The following MCM3AP variants were observed in gnomAD, a reference collection of about 807,000 sequenced individuals.
The protein encoded by MCM3AP is germinal-center associated nuclear protein.
Under a neutral mutation model 184.1 loss-of-function variants are expected in MCM3AP, and 126 were observed. The observed-to-expected ratio is 0.68, with a 90% CI of 0.59 to 0.79. The LOEUF (loss-of-function observed/expected upper bound fraction) is 0.79. Among genes scored for constraint, MCM3AP ranks in the 30% least tolerant of loss-of-function variants. MCM3AP has a pLI of 0.00. For synonymous variants in MCM3AP, 1,002 were observed against 979.3 expected (o/e 1.02, Z -0.43); for missense variants, 2,496 against 2,479.2 (o/e 1.01, Z -0.14).
At chr21:46,264,615 C>T (rs2081084089) in intron 12 of MCM3AP, among the ~76,000 whole-genome samples, 1 of 152,188 alleles carries the variant, frequency 6.6e-6, no homozygotes, top group Non-Finnish European at 1.5e-5. Context: ...ATCAAGGCAC[C>T]TGTCGGGACC....
At chr21:46,251,881 C>CTTTTTT (rs754670172) in intron 19 of MCM3AP, 199 bp from the exon 20 acceptor site, 1,527 of 127,602 alleles carry the variant, frequency 0.012, 54 homozygotes, top group East Asian at 0.029. Context: ...TGTACTCGTT[C>CTTTTTT]TTTTTTTTTT....
chr21:46,280,461 T>A (rs1376429474), intron 3 of MCM3AP, 36 bp downstream of exon 3: 1 of 1,447,232 alleles, frequency 6.9e-7, no homozygotes, highest in Non-Finnish European at 9.6e-7. Context: ...TAAAAATAAT[T>A]TTTTTAAAAA....
chr21:46,263,431 G>A (rs1466287806), intron 13 of MCM3AP, among the ~76,000 whole-genome samples: 1 of 151,990 alleles, frequency 6.6e-6, no homozygotes, highest in African/African-American at 2.4e-5. Flanking sequence ...AATTAAGAAT[G>A]ACCTAAATAA....
chr21:46,279,966 A>C, intron 4 of MCM3AP, 27 bp downstream of exon 4: 1 of 1,592,122 alleles, frequency 6.3e-7, no homozygotes, highest in Admixed American at 1.9e-5. Context: ...CTTCCGGAAT[A>C]AGGTCATTAG....
intron 6 of MCM3AP, 30 bp from the exon 7 acceptor site, chr21:46,273,615 C>A: frequency 6.3e-7 from 1 of 1,597,804 alleles, no homozygotes; most frequent in Non-Finnish European, 8.6e-7. Flanking sequence ...ACAGGATGCC[C>A]ATGTGGCATA....
chr21:46,240,224 G>C (rs933102068), intron 26 of MCM3AP, among the ~76,000 whole-genome samples: 2 of 152,288 alleles, frequency 1.3e-5, no homozygotes, highest in South Asian at 4.1e-4. Context: ...TTCGTTTCCA[G>C]CAACAAGAGG....
At chr21:46,280,637 G>T in intron 2 of MCM3AP, 62 bp from the exon 3 acceptor site, 1 of 1,164,374 alleles carries the variant, frequency 8.6e-7, no homozygotes, top group Non-Finnish European at 1.3e-6. Context: ...AAATGGGATT[G>T]AAAACTCAAA....
chr21:46,260,745 G>A, intron 15 of MCM3AP, 48 bp downstream of exon 15: 1 of 1,362,546 alleles, frequency 7.3e-7, no homozygotes, highest in Non-Finnish European at 1.1e-6. Flanking sequence ...CTAGGGCAGA[G>A]CCAAAGCTCA....
rs1601552865 is a variant in MCM3AP, at chr21:46,284,370, T to C, written c.917A>G (p.His306Arg). 2 of 1,614,122 alleles carry C rather than the reference T, an allele frequency of 1.2e-6. No individual in the cohort carries two copies. The highest frequency in any genetic ancestry group is 2.7e-5 in the African/African-American group (2 of 74,936). Residue 306 changes from histidine (H) to arginine (R), a missense_variant, in exon 1 of 28, where the codon CAC (histidine) becomes CGC (arginine). Transcript: ENST00000291688. ...DQDRSPRRHG[H>R]EPAEDSDPLS... ...AGGATCCGAATCTTCTGCTGGCTCG[T>C]GGCCATGTCTCCTTGGGGAGCGATC...
At chr21:46,271,831 G>A (rs8134066) in intron 8 of MCM3AP, among the ~76,000 whole-genome samples, 8,813 of 151,744 alleles carry the variant, frequency 0.058, 651 homozygotes, top group African/African-American at 0.17. Flanking sequence ...ACTGTACTCC[G>A]GCCTGGGCAA....
chr21:46,241,928 A>G (rs2123814930), intron 25 of MCM3AP: 1 of 152,352 alleles, frequency 6.6e-6, no homozygotes, highest in East Asian at 1.9e-4. Flanking sequence ...AGGTACTTCA[A>G]GGATCTCTAT....
intron 5 of MCM3AP, among the ~76,000 whole-genome samples, chr21:46,276,755 T>G (rs1278048737): frequency 3.5e-5 from 5 of 144,570 alleles, no homozygotes; most frequent in Non-Finnish European, 7.7e-5. Context: ...TTTTTTTTTT[T>G]GAGACAGAAT....
intron 24 of MCM3AP, 128 bp downstream of exon 24, chr21:46,243,337 G>T: frequency 8.9e-7 from 1 of 1,123,500 alleles, no homozygotes; most frequent in Non-Finnish European, 1.3e-6. Flanking sequence ...GAAGAGGGAA[G>T]TCCTAAGGAA....
rs1397541409 is a variant in MCM3AP, at chr21:46,265,306, A to T, written c.3234+15T>A. 2 of 1,612,898 alleles carry T rather than the reference A, an allele frequency of 1.2e-6. No individual in the cohort carries two copies. Among genetic ancestry groups the T allele is most frequent in the Non-Finnish European group, 1.7e-6 (2 of 1,179,460 alleles). Reference sequence around the variant, plus strand: ...GGCTTCCCAGAGTCCAGACCTAGAAAAAAAGAGTCCCTACCTCGTCAGAGT... The same window carrying T: ...GGCTTCCCAGAGTCCAGACCTAGAATAAAAGAGTCCCTACCTCGTCAGAGT... On this transcript the variant is annotated intron_variant, in intron 12 of 27. Transcript: ENST00000291688.
Position 46,270,442 on chromosome 21 carries a change from A to C in MCM3AP, c.2587T>G (p.Ser863Ala). 1.2e-6 allele frequency: 2 copies of C among 1,614,030 alleles called. No individual in the cohort carries two copies. The highest frequency in any genetic ancestry group is 1.7e-6 in the Non-Finnish European group (2 of 1,179,962). Residue 863 changes from serine to alanine, a missense_variant, in exon 9 of 28, where the codon TCT becomes GCT. Transcript: ENST00000291688. ...VRFFKLVQSA[S>A]YLNACLLHCY... ...TGTAAAAGACAAGCGTTCAGGTAAG[A>C]AGCTGACTGGACCAGTTTGAAAAAT...
chr21:46,236,049 A>G (rs1017011076), intron 27 of MCM3AP, among the ~76,000 whole-genome samples: 4 of 152,374 alleles, frequency 2.6e-5, no homozygotes, highest in African/African-American at 9.6e-5. Flanking sequence ...CGACTTTCAT[A>G]CAATAATGCT....
In MCM3AP at chr21:46,260,847, A is replaced by G; in HGVS notation, c.3527T>C (p.Leu1176Pro). 3 of 1,614,208 alleles carry G rather than the reference A, an allele frequency of 1.9e-6. No homozygotes were observed. Among genetic ancestry groups the G allele is most frequent in the Non-Finnish European group, 2.5e-6 (3 of 1,180,042 alleles). Residue 1176 changes from leucine (L) to proline (P), a missense_variant, in exon 15 of 28, where the codon CTG becomes CCG. Coordinates refer to ENST00000291688, the MANE Select transcript of MCM3AP (RefSeq NM_003906.5). ...SELSQGLAVE[L>P]MERVMMEFVR... ...AAACTCCATCATCACGCGTTCCATC[A>G]GCTCCACGGCCAGGCCCTGGCTCAG...
chr21:46,257,964 C>T (rs1282161916), intron 16 of MCM3AP, among the ~76,000 whole-genome samples: 5 of 149,042 alleles, frequency 3.4e-5, no homozygotes, highest in Non-Finnish European at 7.4e-5. Flanking sequence ...AGTCCATCAA[C>T]AGAAGACCAG....
Position 46,236,876 on chromosome 21 carries a change from G to A in MCM3AP, c.5737C>T (p.His1913Tyr), listed in dbSNP as rs763339483. The A allele has an allele frequency of 1.9e-6, 3 of 1,567,034 alleles. No homozygotes were observed. Among genetic ancestry groups the A allele is most frequent in the African/African-American group, 2.8e-5 (2 of 72,104 alleles). The change falls in exon 27 of 28, where the codon CAC (histidine) becomes TAC (tyrosine). Residue 1913 changes from histidine (H) to tyrosine (Y), a missense_variant. This residue lies in a region of MCM3AP where 1,323 missense variants were observed against 1,273.4 expected (regional missense o/e 1.04). Transcript: ENST00000291688. Reference protein sequence around the residue: ...YLPQTLVSLSHTIEPVMKTSV... With the variant: ...YLPQTLVSLSYTIEPVMKTSV... ...GTTTTCATCACAGGTTCAATAGTGTGAGAAAGAGACACTAGAGTCTGAGGA... is the reference window on the plus strand; with the variant it reads ...GTTTTCATCACAGGTTCAATAGTGTAAGAAAGAGACACTAGAGTCTGAGGA...
Sources: allele counts gnomAD v4.1 joint callset (sites outside exome capture counted in the v4.1 genomes callset), GRCh38; gene constraint gnomAD v4.1.1; regional missense constraint gnomAD v4.1.1; transcripts MANE v1.5; gene names NCBI Gene and HGNC (gene_info 2026-07-23, HGNC 2026-07-21).